The following ITGB6 variants were observed in gnomAD, a reference collection of about 807,000 sequenced individuals.
The protein encoded by ITGB6 is integrin beta-6.
ITGB6 carries 80 observed loss-of-function variants against 84.5 expected under a neutral mutation model. The ratio of observed to expected loss-of-function variants is 0.95; its 90% CI spans 0.79 to 1.14. ITGB6 has a LOEUF of 1.14. Ranked by LOEUF, ITGB6 falls within the 50% of genes most tolerant of loss-of-function variation. ITGB6 has a pLI of 0.00. For synonymous variants in ITGB6, 383 were observed against 354.9 expected (o/e 1.08, Z -0.89); for missense variants, 1,006 against 968.0 (o/e 1.04, Z -0.52).
chr2:160,187,041 A>G (rs892662085), intron 4 of ITGB6, among the ~76,000 whole-genome samples: 2 of 152,172 alleles, frequency 1.3e-5, no homozygotes, highest in Non-Finnish European at 2.9e-5. Flanking sequence ...GGTGCAGCAA[A>G]CAACCATGGC....
At position 160,174,148 on chromosome 2, in the gene ITGB6, G is replaced by C. The variant is rs761429388; in HGVS notation, c.594-9C>G. ...AGAAGTATGGAATACTACTGCAAAA[G>C]TAAGATGCAAAAATACTGTTGATGA... is the stretch of plus-strand genomic sequence containing the variant. On this transcript the variant is annotated splice_polypyrimidine_tract_variant and intron_variant, in intron 4 of 14. Coordinates refer to ENST00000283249, the MANE Select transcript of ITGB6 (RefSeq NM_000888.5). 2 of 1,584,268 alleles carry C rather than the reference G, an allele frequency of 1.3e-6. No homozygotes were observed. The highest frequency in any genetic ancestry group is 2.3e-5 in the South Asian group (2 of 86,852).
chr2:160,188,940 G>T (rs10193774), intron 4 of ITGB6, among the ~76,000 whole-genome samples: 22 of 151,904 alleles, frequency 1.4e-4, no homozygotes, highest in Admixed American at 4.6e-4. Context: ...TCACGCTACC[G>T]GACTTCAAAC....
At chr2:160,178,890 T>C (rs1685548042) in intron 4 of ITGB6, 1 of 151,930 alleles carries the variant, frequency 6.6e-6, no homozygotes, top group Non-Finnish European at 1.5e-5. Flanking sequence ...AGAGATGGAG[T>C]CTCACCATGT....
chr2:160,197,519 T>C (rs920417762), intron 2 of ITGB6, among the ~76,000 whole-genome samples: 2 of 152,226 alleles, frequency 1.3e-5, no homozygotes, highest in Non-Finnish European at 2.9e-5. Context: ...TGTTGCCCAT[T>C]GACTTTCATG....
chr2:160,171,630 G>A (rs1357059030), intron 6 of ITGB6, among the ~76,000 whole-genome samples: 5 of 152,120 alleles, frequency 3.3e-5, no homozygotes, highest in Non-Finnish European at 7.4e-5. Flanking sequence ...CAACGTGCCC[G>A]GCCTCTATTT....
chr2:160,150,482 G>T (rs530933075), intron 7 of ITGB6, among the ~76,000 whole-genome samples: 1 of 152,114 alleles, frequency 6.6e-6, no homozygotes, highest in Admixed American at 6.6e-5. Flanking sequence ...AGAAACAACC[G>T]GTACTAGCCA....
chr2:160,143,731 G>A (rs1359029215), intron 7 of ITGB6, among the ~76,000 whole-genome samples: 1 of 152,090 alleles, frequency 6.6e-6, no homozygotes, highest in East Asian at 1.9e-4. Flanking sequence ...TTTAGAAAAT[G>A]CACAAAACTA....
intron 4 of ITGB6, among the ~76,000 whole-genome samples, chr2:160,185,591 T>C (rs529831438): frequency 1.1e-4 from 16 of 152,272 alleles, no homozygotes; most frequent in African/African-American, 3.6e-4. Context: ...CAAGCTACCA[T>C]TGACTTTCTT....
At chr2:160,106,373 G>A (rs1018884373) in intron 14 of ITGB6, among the ~76,000 whole-genome samples, 2 of 152,088 alleles carry the variant, frequency 1.3e-5, no homozygotes, top group South Asian at 2.1e-4. Flanking sequence ...AAGTAGCTGG[G>A]ACTACAGGTG....
intron 6 of ITGB6, 29 bp from the exon 7 acceptor site, chr2:160,169,336 A>ATG (rs780329255): frequency 8.2e-7 from 1 of 1,223,048 alleles, no homozygotes; most frequent in East Asian, 2.3e-5. Context: ...ATTTTGCATC[A>ATG]TCTCAATAAA....
intron 8 of ITGB6, among the ~76,000 whole-genome samples, chr2:160,141,466 A>G (rs1361167722): frequency 2.6e-5 from 4 of 152,232 alleles, no homozygotes; most frequent in African/African-American, 9.6e-5. Context: ...ACACCTACTC[A>G]TAAACCAGTG....
intron 12 of ITGB6, among the ~76,000 whole-genome samples, chr2:160,119,442 A>C (rs1232400253): frequency 1.2e-3 from 178 of 151,990 alleles, no homozygotes; most frequent in East Asian, 2.1e-3. Flanking sequence ...ATAAATGGTG[A>C]TGGGAAAACT....
At chr2:160,107,195 T>A (rs1173687391) in intron 14 of ITGB6, among the ~76,000 whole-genome samples, 1 of 152,178 alleles carries the variant, frequency 6.6e-6, no homozygotes, top group East Asian at 1.9e-4. Flanking sequence ...ATTTTAAAAA[T>A]CATCTCAATT....
chr2:160,107,882 A>C, intron 13 of ITGB6, 37 bp from the exon 14 acceptor site: 1 of 1,538,060 alleles, frequency 6.5e-7, no homozygotes, highest in Non-Finnish European at 8.9e-7. Flanking sequence ...AGGTGGTAAA[A>C]TCAACATTTT....
In ITGB6 at chr2:160,107,807, C is replaced by T. The variant is rs757207082; in HGVS notation, c.2140G>A (p.Gly714Arg). Residue 714 changes from glycine (G) to arginine (R), a missense_variant, in exon 14 of 15, where the codon GGG (glycine) becomes AGG (arginine). Coordinates refer to ENST00000283249, the MANE Select transcript of ITGB6 (RefSeq NM_000888.5). Reference sequence around the variant, plus strand: ...ATGAGAAGAATAGCCAGGGAAACCCCTAACATGATCATGGGAATGTTTGGA... The same window carrying T: ...ATGAGAAGAATAGCCAGGGAAACCCTTAACATGATCATGGGAATGTTTGGA... ...KPPNIPMIMLGVSLAILLIGV... is the reference protein window; with the variant it reads ...KPPNIPMIMLRVSLAILLIGV... 4 of 1,613,414 alleles carry T rather than the reference C, an allele frequency of 2.5e-6. No individual in the cohort carries two copies. In the Admixed American group the frequency reaches 6.7e-5, roughly 27 times the overall value.
At chr2:160,157,962 T>G (rs1387449582) in intron 7 of ITGB6, among the ~76,000 whole-genome samples, 1 of 152,136 alleles carries the variant, frequency 6.6e-6, no homozygotes, top group Non-Finnish European at 1.5e-5. Flanking sequence ...TTCTGCTGGT[T>G]CTCACGTTCA....
intron 4 of ITGB6, among the ~76,000 whole-genome samples, chr2:160,177,578 A>G (rs1685479637): frequency 6.6e-6 from 1 of 152,016 alleles, no homozygotes; most frequent in African/African-American, 2.4e-5. Context: ...CTCAAAAAAA[A>G]AAAAAGAACC....
chr2:160,195,589 C>A lies in ITGB6; in HGVS notation c.373G>T (p.Val125Phe), dbSNP rs1406422933. 1 of 1,614,082 alleles carries A rather than the reference C, an allele frequency of 6.2e-7. No individual in the cohort carries two copies. The highest frequency in any genetic ancestry group is 1.1e-5 in the South Asian group (1 of 91,072). Residue 125 changes from valine to phenylalanine, a missense_variant, in exon 4 of 15, where the codon GTC (valine) becomes TTC (phenylalanine). Val to Phe is a conservative substitution (Grantham distance 50). Transcript: ENST00000283249. ...PGGAQTLQVH[V>F]RQTEDYPVDL... The stretch of plus-strand genomic sequence containing the variant: ...ACCGGGTAGTCCTCAGTCTGGCGGA[C>A]ATGCACCTGCAGAGTCTGCGCACCA...
In ITGB6 at chr2:160,107,777, C is replaced by G. The variant is rs146397669; in HGVS notation, c.2170G>C (p.Val724Leu). 2,548 of 1,613,952 alleles carry G rather than the reference C, an allele frequency of 1.6e-3. 3 individuals carry two copies. Among genetic ancestry groups the G allele is most frequent in the Non-Finnish European group, 2.0e-3 (2,326 of 1,179,874 alleles). Residue 724 changes from valine to leucine, a missense_variant, in exon 14 of 15, where the codon GTT (valine) becomes CTT (leucine). By Grantham distance (32) the Val-to-Leu change is conservative. Coordinates refer to ENST00000283249, the MANE Select transcript of ITGB6 (RefSeq NM_000888.5). ...GVSLAILLIG[V>L]VLLCIWKLLV... ...AGCTTCCAGATGCACAGTAGGACAA[C>G]CCCGATGAGAAGAATAGCCAGGGAA... is the stretch of plus-strand genomic sequence containing the variant.
Sources: gnomAD v4.1 joint callset for allele counts (sites outside exome capture counted in the v4.1 genomes callset) on GRCh38, gnomAD v4.1.1 for gene constraint, MANE v1.5 for transcripts, NCBI Gene and HGNC (gene_info 2026-07-23, HGNC 2026-07-21) for gene names.